ASPG: variants seen among roughly 807,000 people sequenced by gnomAD.
ASPG encodes the protein 60 kDa lysophospholipase.
ASPG carries 53 observed loss-of-function variants against 63.2 expected under a neutral mutation model. The observed-to-expected ratio is 0.84, with a 90% CI of 0.67 to 1.05. ASPG has a LOEUF of 1.05. Ranked by LOEUF, ASPG falls within the 50% of genes least tolerant of loss-of-function variation. The pLI, the probability that ASPG is intolerant of heterozygous loss-of-function variation, is 0.00. For missense variants in ASPG, 741 were observed against 794.4 expected, an observed-to-expected ratio of 0.93 and a Z score of 0.81; for synonymous variants, 370 against 355.0, an observed-to-expected ratio of 1.04 and a Z score of -0.48.
chr14:104,111,478 C>A, intron 13 of ASPG, 24 bp from the exon 14 acceptor site: 5 of 1,541,996 alleles, frequency 3.2e-6, no homozygotes, highest in Non-Finnish European at 4.4e-6. Flanking sequence ...GCCCCAACAA[C>A]TCCTCCTCTG....
intron 15 of ASPG, 37 bp downstream of exon 15, chr14:104,112,037 G>C (rs962282634): frequency 8.5e-6 from 13 of 1,534,290 alleles, no homozygotes; most frequent in Non-Finnish European, 1.1e-5. Flanking sequence ...ACACCCCCCA[G>C]TGAGCTTCTA....
At position 104,105,412 on chromosome 14, in the gene ASPG, G is replaced by A. The variant is rs754247772; in HGVS notation, c.1135G>A (p.Gly379Ser). Reference protein sequence around the residue: ...RPSLQGNTLGGGVSWLLSLSG... With the variant: ...RPSLQGNTLGSGVSWLLSLSG... ...CTCACTGCAGGGCAACACGCTGGGC[G>A]GTGGGGTCTCCTGGCTCCTCAGTCT... Residue 379 changes from glycine (G) to serine (S), a missense_variant, in exon 10 of 16, where the codon GGT becomes AGT. Transcript: ENST00000551177. The A allele has an allele frequency of 1.4e-5, 22 of 1,610,506 alleles. 2 individuals are homozygous for A. Among genetic ancestry groups the A allele is most frequent in the East Asian group, 8.9e-5 (4 of 44,816 alleles).
rs569330136 is a variant in ASPG at position 104,096,589 on chromosome 14, C to T, written c.429+933C>T. Among the ~76,000 whole-genome samples, 5 of 152,282 alleles carry T rather than the reference C, an allele frequency of 3.3e-5. No individual in the cohort carries two copies. In the South Asian group the frequency reaches 1.0e-3, roughly 32 times the overall value. On this transcript the variant is annotated intron_variant, in intron 4 of 15. Transcript: ENST00000551177. ...TGGTTCTCCTCTTCCCAGACCTTCC[C>T]GAGCCCTGGGGGAGCAGAACATCCC...
intron 12 of ASPG, 149 bp downstream of exon 12, chr14:104,107,494 A>T: frequency 1.3e-6 from 1 of 756,176 alleles, no homozygotes; most frequent in Non-Finnish European, 1.9e-6. Flanking sequence ...CCCGGGGCCC[A>T]GTAAGACCCC....
In ASPG at chr14:104,092,930, GC is replaced by G. The variant is rs1191794873; in HGVS notation, c.191+193del. 4 of 589,614 alleles carry G rather than the reference GC, an allele frequency of 6.8e-6. No individual in the cohort carries two copies. In the East Asian group the frequency reaches 1.1e-4, roughly 16 times the overall value. 36.5% of individuals were successfully genotyped at this position (589,614 alleles called of 1,614,324 possible). A position where few individuals can be genotyped will look rare whatever the true frequency, so the allele number is the denominator to read the frequency against. ...CACCAGAGCCTGAACCTCTGAGGGTGCCCCGTGCCTGGTCCCACCTTCCCTC... is the reference window on the plus strand; with the variant it reads ...CACCAGAGCCTGAACCTCTGAGGGTGCCCGTGCCTGGTCCCACCTTCCCTC... On this transcript the variant is annotated intron_variant, in intron 2 of 15. Transcript: ENST00000551177.
In ASPG at chr14:104,114,523, G is replaced by C. The variant is rs201516021; in HGVS notation, c.*1979G>C. ...TGAAGAGTCATAGGCTTGAGTCTGG[G>C]AGCTTTCTCGGGGGCCGTTTTGTGC... On this transcript the variant is annotated 3_prime_UTR_variant, in exon 16 of 16. Transcript: ENST00000551177. 3.3e-5 allele frequency: 5 copies of C among 152,318 alleles called. No homozygotes were observed. Among genetic ancestry groups the C allele is most frequent in the African/African-American group, 1.2e-4 (5 of 41,432 alleles). 9.4% of individuals were successfully genotyped at this position (152,318 alleles called of 1,614,324 possible).
At chr14:104,100,999 G>A (rs998840196) in intron 6 of ASPG, among the ~76,000 whole-genome samples, 5 of 152,202 alleles carry the variant, frequency 3.3e-5, no homozygotes, top group Middle Eastern at 3.2e-3. Flanking sequence ...CAGGGACTCC[G>A]CCAGCACCGG....
At chr14:104,094,382 G>A (rs2140991286) in intron 3 of ASPG, among the ~76,000 whole-genome samples, 1 of 152,130 alleles carries the variant, frequency 6.6e-6, no homozygotes, top group African/African-American at 2.4e-5. Context: ...AGTCTTAGTG[G>A]ACCACAGCAC....
In ASPG at chr14:104,104,807, C is replaced by T. The variant is rs530854566; in HGVS notation, c.1050+72C>T. 5.9e-5 allele frequency: 77 copies of T among 1,314,622 alleles called. No homozygotes were observed. The African/African-American group carries it at 9.0e-4, about 15-fold the overall frequency. 81.4% of individuals were successfully genotyped at this position (1,314,622 alleles called of 1,614,324 possible). On this transcript the variant is annotated intron_variant, in intron 9 of 15. Transcript: ENST00000551177. ...TGTCAGTTGGCTCCCAGGGGCATGT[C>T]TGGGGCGATGCCGGAAGAGCCTGGG...
chr14:104,097,971 G>C (rs112970207), intron 5 of ASPG, among the ~76,000 whole-genome samples: 4 of 67,048 alleles, frequency 6.0e-5, no homozygotes, highest in Admixed American at 1.7e-4. Flanking sequence ...TGGAGGTTCT[G>C]CGTTAGAGAT....
chr14:104,101,296 C>G (rs1240488417), intron 6 of ASPG, among the ~76,000 whole-genome samples: 2 of 152,204 alleles, frequency 1.3e-5, no homozygotes, highest in Non-Finnish European at 2.9e-5. Flanking sequence ...CCCTCAGCCT[C>G]TCTGAGCCAG....
intron 4 of ASPG, among the ~76,000 whole-genome samples, chr14:104,096,772 A>G (rs1596077042): frequency 6.6e-6 from 1 of 152,136 alleles, no homozygotes; most frequent in Non-Finnish European, 1.5e-5. Flanking sequence ...CTAGGGGCTC[A>G]CCCACAGCCA....
In ASPG at chr14:104,095,131, G is replaced by C. The variant is rs567281405; in HGVS notation, c.304-400G>C. Reference sequence around the variant, plus strand: ...GCCATGGCTGTGCCTTGACCCTGCAGGCGTCCTTGTGCCCACCGTTGTGTT... The same window carrying C: ...GCCATGGCTGTGCCTTGACCCTGCACGCGTCCTTGTGCCCACCGTTGTGTT... On this transcript the variant is annotated intron_variant, in intron 3 of 15. Transcript: ENST00000551177. Among the ~76,000 whole-genome samples, 26 of 152,340 alleles carry C rather than the reference G, an allele frequency of 1.7e-4. 1 individual carries two copies. The highest frequency in any genetic ancestry group is 1.3e-3 in the Admixed American group (20 of 15,314).
In ASPG at chr14:104,109,418, G is replaced by T. The variant is rs1000566911; in HGVS notation, c.1520+103G>T. ...AGGGACAAGTGAGTCAGGGTGTGGG[G>T]GCTTTCAGAGGCGAGGCCCGCTGAC... is the stretch of plus-strand genomic sequence containing the variant. On this transcript the variant is annotated intron_variant, in intron 13 of 15. Transcript: ENST00000551177. This position sits in a 1 kb window ranked among gnomAD's most constrained non-coding sequence, Gnocchi z 4.8. 2 of 1,301,804 alleles carry T rather than the reference G, an allele frequency of 1.5e-6. No homozygotes were observed. Among genetic ancestry groups the T allele is most frequent in the Admixed American group, 4.7e-5 (2 of 42,768 alleles). 80.6% of individuals were successfully genotyped at this position (1,301,804 alleles called of 1,614,324 possible). A position where few individuals can be genotyped will look rare whatever the true frequency, so the allele number is the denominator to read the frequency against.
intron 15 of ASPG, 117 bp from the exon 16 acceptor site, chr14:104,112,407 G>A: frequency 1.4e-6 from 1 of 727,878 alleles, no homozygotes. Context: ...ATAGTCTCAA[G>A]CTGGGTTTGC....
intron 2 of ASPG, chr14:104,092,974 C>T: frequency 3.6e-6 from 2 of 562,334 alleles, no homozygotes; most frequent in South Asian, 2.3e-5. Flanking sequence ...TCCTCCCACA[C>T]CCCCAGCCAG....
In ASPG at chr14:104,110,411, C is replaced by G. The variant is rs1308456618; in HGVS notation, c.1521-1091C>G. On this transcript the variant is annotated intron_variant, in intron 13 of 15. Transcript: ENST00000551177. The surrounding 1 kb of genome is among the most constrained non-coding windows in gnomAD (Gnocchi z 4.7). Reference sequence around the variant, plus strand: ...GTCAAGATTTGCACTCCAGACAGGCCTTGCTGGCTCCATTGACAGATGGGG... The same window carrying G: ...GTCAAGATTTGCACTCCAGACAGGCGTTGCTGGCTCCATTGACAGATGGGG... 2 of 985,220 alleles carry G rather than the reference C, an allele frequency of 2.0e-6. No individual in the cohort carries two copies. The highest frequency in any genetic ancestry group is 3.5e-5 in the African/African-American group (2 of 57,200). 61.0% of individuals were successfully genotyped at this position (985,220 alleles called of 1,614,324 possible).
intron 2 of ASPG, 106 bp downstream of exon 2, chr14:104,092,847 CCT>C (rs2140983784): frequency 1.1e-6 from 1 of 927,066 alleles, no homozygotes; most frequent in Non-Finnish European, 1.7e-6. Flanking sequence ...TTTGCTCACC[CCT>C]GTCTCTAACA....
intron 3 of ASPG, among the ~76,000 whole-genome samples, chr14:104,095,041 C>T (rs938529604): frequency 6.6e-6 from 1 of 152,210 alleles, no homozygotes; most frequent in African/African-American, 2.4e-5. Flanking sequence ...TGCTGCCCTT[C>T]GGTGTCCTGC....
Sources: allele counts gnomAD v4.1 joint callset (sites outside exome capture counted in the v4.1 genomes callset), GRCh38; gene constraint gnomAD v4.1.1; non-coding constraint Gnocchi (gnomAD v3.1); transcripts MANE v1.5; gene names NCBI Gene and HGNC (gene_info 2026-07-23, HGNC 2026-07-21).